The following NRXN1 variants were observed in gnomAD, a reference collection of about 807,000 sequenced individuals.
NRXN1 encodes the protein neurexin 1.
Under a neutral mutation model 150.9 loss-of-function variants are expected in NRXN1, and 39 were observed. The ratio of observed to expected loss-of-function variants is 0.26; its 90% CI spans 0.20 to 0.34. The LOEUF (loss-of-function observed/expected upper bound fraction) is 0.34. NRXN1 is among the 10% of genes least tolerant of loss of function. The probability of loss-of-function intolerance (pLI) is 1.00; values close to 1 mark genes in which losing one functional copy is unlikely to be tolerated. For missense variants in NRXN1, 1,815 were observed against 1,949.9 expected, an observed-to-expected ratio of 0.93 and a Z score of 1.30; for synonymous variants, 924 against 757.0, an observed-to-expected ratio of 1.22 and a Z score of -3.62.
At chr2:50,975,758 T>G (rs1695720380) in intron 2 of NRXN1, among the ~76,000 whole-genome samples, 1 of 152,038 alleles carries the variant, frequency 6.6e-6, no homozygotes, top group Non-Finnish European at 1.5e-5. Context: ...GGCCCTAACC[T>G]TTCATAGGCC....
At chr2:50,646,376 A>C (rs574968758) in intron 5 of NRXN1, among the ~76,000 whole-genome samples, 21 of 152,144 alleles carry the variant, frequency 1.4e-4, no homozygotes, top group African/African-American at 5.1e-4. Flanking sequence ...GGAAGCAGGA[A>C]ATACTCTGAA....
At chr2:50,192,609 T>C (rs1187158226) in intron 18 of NRXN1, among the ~76,000 whole-genome samples, 1 of 147,380 alleles carries the variant, frequency 6.8e-6, no homozygotes. Context: ...ATACTTTTTT[T>C]TGGGGGGGGC....
chr2:50,465,459 C>A lies in NRXN1; in HGVS notation c.3347G>T (p.Gly1116Val). ...SCDCSMTSFS[G>V]PLCNDPGTTY... ...GTACTTACGGTCATTGCAGAGTGGT[C>A]CACTGAAGGAAGTCATACTACAGTC... The change falls in exon 17 of 23, where the codon GGA becomes GTA. Residue 1116 changes from glycine to valine, a missense_variant. This residue lies in a region of NRXN1 where 339 missense variants were observed against 440.3 expected (regional missense o/e 0.77). Transcript: ENST00000401669. 1.2e-6 allele frequency: 2 copies of A among 1,609,850 alleles called. No homozygotes were observed.
At chr2:50,950,219 T>G (rs2104575944) in intron 2 of NRXN1, among the ~76,000 whole-genome samples, 1 of 152,248 alleles carries the variant, frequency 6.6e-6, no homozygotes, top group South Asian at 2.1e-4. Flanking sequence ...TGTGTCAAGG[T>G]ATTAGCTTCA....
At chr2:50,458,306 T>C (rs1214141015) in intron 17 of NRXN1, among the ~76,000 whole-genome samples, 1 of 152,016 alleles carries the variant, frequency 6.6e-6, no homozygotes, top group African/African-American at 2.4e-5. Flanking sequence ...GTGGAGAGGA[T>C]GAAGAGGGGT....
chr2:50,945,048 T>C (rs1047473847), intron 2 of NRXN1, among the ~76,000 whole-genome samples: 18 of 152,308 alleles, frequency 1.2e-4, no homozygotes, highest in African/African-American at 4.1e-4. Context: ...GACCATGATC[T>C]AGATGAGGGG....
At chr2:49,929,382 T>C (rs911138259) in intron 22 of NRXN1, among the ~76,000 whole-genome samples, 10 of 152,360 alleles carry the variant, frequency 6.6e-5, no homozygotes, top group Non-Finnish European at 1.2e-4. Context: ...TTATTCACTA[T>C]GTTGTAAACT....
At chr2:50,322,489 A>T (rs2076112554) in intron 17 of NRXN1, among the ~76,000 whole-genome samples, 1 of 152,178 alleles carries the variant, frequency 6.6e-6, no homozygotes, top group African/African-American at 2.4e-5. Flanking sequence ...GACAACAATG[A>T]TTTCTTAGAC....
chr2:50,878,641 A>T (rs936767997), intron 5 of NRXN1, among the ~76,000 whole-genome samples: 1 of 151,972 alleles, frequency 6.6e-6, no homozygotes, highest in Non-Finnish European at 1.5e-5. Flanking sequence ...AAGGATGATG[A>T]AGAAGAAATT....
chr2:50,995,219 T>C (rs1256112055), intron 2 of NRXN1, among the ~76,000 whole-genome samples: 2 of 151,936 alleles, frequency 1.3e-5, no homozygotes, highest in Non-Finnish European at 1.5e-5. Context: ...TTACGCCTTA[T>C]AGTTTTCCAG....
At chr2:50,481,038 A>G (rs10197380) in intron 15 of NRXN1, among the ~76,000 whole-genome samples, 50,632 of 152,110 alleles carry the variant, frequency 0.33, 10,209 homozygotes, top group Middle Eastern at 0.49. Flanking sequence ...CTACAAGAGG[A>G]GTAAAGGTTA....
chr2:50,513,999 G>GTA (rs2092551170), intron 12 of NRXN1, among the ~76,000 whole-genome samples: 4 of 152,106 alleles, frequency 2.6e-5, no homozygotes, highest in East Asian at 1.9e-4. Flanking sequence ...CCTGCTTCTG[G>GTA]TATATATATA....
At chr2:50,559,528 A>G (rs990564509) in intron 8 of NRXN1, among the ~76,000 whole-genome samples, 1 of 152,212 alleles carries the variant, frequency 6.6e-6, no homozygotes, top group East Asian at 1.9e-4. Context: ...AAACTAATTT[A>G]ATACGCTAGT....
intron 2 of NRXN1, among the ~76,000 whole-genome samples, chr2:50,957,386 C>T (rs997356934): frequency 6.6e-6 from 1 of 152,098 alleles, no homozygotes; most frequent in Non-Finnish European, 1.5e-5. Flanking sequence ...GGAGCCATTA[C>T]GCCCCATAAG....
intron 12 of NRXN1, among the ~76,000 whole-genome samples, chr2:50,513,829 A>G (rs1191660615): frequency 3.9e-5 from 6 of 152,022 alleles, no homozygotes; most frequent in African/African-American, 1.4e-4. Context: ...AAAAACAAAA[A>G]CCCATAGCAG....
chr2:50,319,097 T>C (rs2075827196), intron 17 of NRXN1, among the ~76,000 whole-genome samples: 1 of 152,094 alleles, frequency 6.6e-6, no homozygotes, highest in Non-Finnish European at 1.5e-5. Context: ...TAAAGAAACA[T>C]GGCAAAACTG....
intron 21 of NRXN1, among the ~76,000 whole-genome samples, chr2:49,961,952 AT>A (rs992743736): frequency 6.6e-6 from 1 of 152,164 alleles, no homozygotes; most frequent in Non-Finnish European, 1.5e-5. Flanking sequence ...CTTGAAATAT[AT>A]GGTGTGGCTG....
intron 17 of NRXN1, among the ~76,000 whole-genome samples, chr2:50,330,938 A>C (rs75809030): frequency 0.13 from 20,276 of 152,138 alleles, 1,526 homozygotes; most frequent in African/African-American, 0.18. Context: ...AGGGGTGGGA[A>C]GTAGTTACTT....
chr2:51,026,723 G>A (rs1670532985), intron 2 of NRXN1, among the ~76,000 whole-genome samples: 1 of 152,104 alleles, frequency 6.6e-6, no homozygotes, highest in African/African-American at 2.4e-5. Context: ...TGTTAATTAA[G>A]AAATCTTATT....
Sources: allele counts gnomAD v4.1 joint callset (sites outside exome capture counted in the v4.1 genomes callset), GRCh38; gene constraint gnomAD v4.1.1; regional missense constraint gnomAD v4.1.1; transcripts MANE v1.5; gene names NCBI Gene and HGNC (gene_info 2026-07-23, HGNC 2026-07-21).